MYPN: variants seen among roughly 807,000 people sequenced by gnomAD.
The protein encoded by MYPN is myopalladin, also known as sarcomeric protein myopalladin, 145 kDa (MYOP).
A neutral mutation model predicts 129.4 loss-of-function variants in MYPN; 63 were observed. The ratio of observed to expected loss-of-function variants is 0.49; its 90% confidence interval spans 0.40 to 0.60. The LOEUF is 0.60. Ranked by LOEUF, MYPN falls within the 20% of genes least tolerant of loss-of-function variation. MYPN has a pLI of 0.00. For missense variants in MYPN, 1,596 were observed against 1,635.4 expected (o/e 0.98, Z 0.42); for synonymous variants, 629 against 600.9 (o/e 1.05, Z -0.68).
chr10:68,157,756 C>T (rs1043190492), intron 6 of MYPN, among the ~76,000 whole-genome samples: 8 of 150,420 alleles, frequency 5.3e-5, no homozygotes, highest in African/African-American at 2.0e-4. Flanking sequence ...GTGAGAGGAT[C>T]GCTTGAGCCT....
intron 18 of MYPN, among the ~76,000 whole-genome samples, chr10:68,202,483 T>G (rs942645231): frequency 7.2e-5 from 8 of 111,756 alleles, no homozygotes; most frequent in Non-Finnish European, 6.6e-5. Flanking sequence ...TTTTGCAAAT[T>G]TTTTGTCCCA....
At chr10:68,184,183 G>A (rs1418788959) in intron 12 of MYPN, among the ~76,000 whole-genome samples, 1 of 152,186 alleles carries the variant, frequency 6.6e-6, no homozygotes, top group South Asian at 2.1e-4. Flanking sequence ...ATTCAGATAC[G>A]TAATATCCTG....
Position 68,207,480 on chromosome 10 carries a change from G to GTGCC in MYPN, c.3793+579_3793+582dup. On this transcript the variant is annotated intron_variant, in intron 19 of 19. Transcript: ENST00000358913. The stretch of plus-strand genomic sequence containing the variant: ...GCTAGTCCAGAGTTTGCAAGTGCTT[G>GTGCC]TGCCTCTGAACAGCCAATGTTTTCT... 2.6e-5 allele frequency among the ~76,000 whole-genome samples: 4 copies of GTGCC among 152,262 alleles called. No homozygotes were observed. In the Middle Eastern group the frequency reaches 0.014, roughly 518 times the overall value.
At chr10:68,164,070 G>A (rs2043018515) in intron 8 of MYPN, among the ~76,000 whole-genome samples, 1 of 152,206 alleles carries the variant, frequency 6.6e-6, no homozygotes, top group Non-Finnish European at 1.5e-5. Flanking sequence ...CAAGGAGGTA[G>A]GAGGATGAAG....
Position 68,174,142 on chromosome 10 carries a change from T to A in MYPN, c.2050T>A (p.Ser684Thr), listed in dbSNP as rs746579874. 3 of 1,613,932 alleles carry A rather than the reference T, an allele frequency of 1.9e-6. No homozygotes were observed. The change falls in exon 11 of 20, where the codon TCT becomes ACT. Residue 684 changes from serine to threonine, a missense_variant. Transcript: ENST00000358913. ...CCAATTGCAAAACCCACCTCCTTCA[T>A]CTCCTAAGGAGTTTCCTTTCAGCAT... ...QHQLQNPPPS[S>T]PKEFPFSMTV...
chr10:68,155,573 G>A (rs2042858223), intron 6 of MYPN, among the ~76,000 whole-genome samples: 1 of 152,194 alleles, frequency 6.6e-6, no homozygotes, highest in Non-Finnish European at 1.5e-5. Context: ...AAGCTGAAAT[G>A]ATCAAGTCTG....
chr10:68,191,639 G>A (rs1029359330), intron 13 of MYPN, among the ~76,000 whole-genome samples: 3 of 152,150 alleles, frequency 2.0e-5, no homozygotes, highest in Non-Finnish European at 4.4e-5. Flanking sequence ...TCGTGAACGT[G>A]GGATATCTTT....
chr10:68,149,036 G>A (rs749395400), intron 5 of MYPN, among the ~76,000 whole-genome samples: 1 of 152,000 alleles, frequency 6.6e-6, no homozygotes, highest in Non-Finnish European at 1.5e-5. Context: ...GACCCGTCTG[G>A]GCAACATAGC....
chr10:68,115,705 T>G (rs2042147350), intron 1 of MYPN, among the ~76,000 whole-genome samples: 2 of 152,242 alleles, frequency 1.3e-5, no homozygotes. Context: ...GTGGTTTCCC[T>G]TCACACGTTT....
chr10:68,095,293 TAAG>T (rs1391745639), intron 1 of MYPN, among the ~76,000 whole-genome samples: 1 of 147,198 alleles, frequency 6.8e-6, no homozygotes, highest in Non-Finnish European at 1.5e-5. Flanking sequence ...GAGGCTGTAG[TAAG>T]AAGAGATCAC....
chr10:68,100,902 TA>T (rs147356055), intron 1 of MYPN, among the ~76,000 whole-genome samples: 11,831 of 152,048 alleles, frequency 0.078, 553 homozygotes, highest in Non-Finnish European at 0.11. Flanking sequence ...ATTTTTGTGT[TA>T]AAAAAAATCA....
intron 10 of MYPN, among the ~76,000 whole-genome samples, chr10:68,171,853 G>C (rs1226613787): frequency 6.6e-6 from 1 of 152,198 alleles, no homozygotes; most frequent in Non-Finnish European, 1.5e-5. Flanking sequence ...GGGTAGTTGA[G>C]ATGTGCACTA....
At chr10:68,150,154 C>T (rs779492537) in intron 6 of MYPN, 43 bp downstream of exon 6, 2 of 1,461,850 alleles carry the variant, frequency 1.4e-6, no homozygotes, top group Admixed American at 3.4e-5. Flanking sequence ...TTTAAAGATA[C>T]CACAGCACCC....
chr10:68,107,028 T>C (rs1225988750), upstream of MYPN, among the ~76,000 whole-genome samples: 1 of 152,248 alleles, frequency 6.6e-6, no homozygotes, highest in Non-Finnish European at 1.5e-5. Context: ...TTTGTATCAA[T>C]AAACTCTGAT....
intron 2 of MYPN, among the ~76,000 whole-genome samples, chr10:68,123,412 C>T (rs1325363593): frequency 6.7e-6 from 1 of 149,202 alleles, no homozygotes; most frequent in Non-Finnish European, 1.5e-5. Context: ...CGCAGTGGCT[C>T]ACGCCTGCAA....
upstream of MYPN, among the ~76,000 whole-genome samples, chr10:68,108,398 G>A (rs2042038241): frequency 6.6e-6 from 1 of 152,186 alleles, no homozygotes; most frequent in African/African-American, 2.4e-5. Context: ...CACGAGGTCA[G>A]AAATTTTTGT....
At chr10:68,144,440 C>T (rs1290583580) in intron 3 of MYPN, among the ~76,000 whole-genome samples, 1 of 152,112 alleles carries the variant, frequency 6.6e-6, no homozygotes, top group Non-Finnish European at 1.5e-5. Flanking sequence ...GTACCAAGTA[C>T]ATAGTGAGTA....
chr10:68,197,828 T>C (rs950649618), intron 16 of MYPN, among the ~76,000 whole-genome samples: 16 of 152,100 alleles, frequency 1.1e-4, no homozygotes, highest in African/African-American at 3.9e-4. Context: ...CTTTAGGTAG[T>C]ACTGAGCCCT....
intron 12 of MYPN, among the ~76,000 whole-genome samples, chr10:68,182,675 T>G (rs1190293488): frequency 6.6e-6 from 1 of 151,676 alleles, no homozygotes; most frequent in Non-Finnish European, 1.5e-5. Flanking sequence ...CCTGGCTACT[T>G]TTTTGTATTT....
Sources: gnomAD v4.1 joint callset for allele counts (sites outside exome capture counted in the v4.1 genomes callset) on GRCh38, gnomAD v4.1.1 for gene constraint, MANE v1.5 for transcripts, NCBI Gene and HGNC (gene_info 2026-07-23, HGNC 2026-07-21) for gene names.